The following NELL1 variants were observed in gnomAD, a reference collection of about 807,000 sequenced individuals.
NELL1 encodes the protein neural EGFL like 1.
In NELL1, 76 loss-of-function variants were observed where a neutral mutation model predicts 107.4. The observed-to-expected ratio is 0.71, with a 90% confidence interval of 0.59 to 0.86. The LOEUF is 0.86. NELL1 is among the 40% of genes least tolerant of loss of function. NELL1 has a pLI of 0.00. For missense variants in NELL1, 1,024 were observed against 1,005.5 expected (o/e 1.02, Z -0.25); for synonymous variants, 353 against 341.2 (o/e 1.03, Z -0.38).
intron 13 of NELL1, among the ~76,000 whole-genome samples, chr11:21,132,093 T>C (rs1412782758): frequency 6.6e-6 from 1 of 152,188 alleles, no homozygotes; most frequent in Non-Finnish European, 1.5e-5. Flanking sequence ...TTTAAACTGG[T>C]GCCCACAGAG....
At chr11:20,723,814 A>G (rs1855448803) in intron 2 of NELL1, among the ~76,000 whole-genome samples, 1 of 152,166 alleles carries the variant, frequency 6.6e-6, no homozygotes, top group Non-Finnish European at 1.5e-5. Context: ...CTGCAGTAGA[A>G]TTCTACCTGT....
chr11:20,918,399 T>A lies in NELL1; in HGVS notation c.676+145T>A, dbSNP rs141734743. ...AGTGAAAGAGAACTTATTATCTACA[T>A]TATATAATTCTGTGTCTTTAAAAAA... On this transcript the variant is annotated intron_variant, in intron 6 of 19. Transcript: ENST00000357134. 3 of 594,586 alleles carry A rather than the reference T, an allele frequency of 5.0e-6. No individual in the cohort carries two copies. In the African/African-American group the frequency reaches 5.7e-5, roughly 11 times the overall value. The allele number at this position is 594,586 out of a possible 1,614,324, so 36.8% of individuals were successfully genotyped here. A position where few individuals can be genotyped will look rare whatever the true frequency, so the allele number is the denominator to read the frequency against.
chr11:20,983,943 T>C (rs1326442841), intron 12 of NELL1, among the ~76,000 whole-genome samples: 1 of 152,146 alleles, frequency 6.6e-6, no homozygotes, highest in African/African-American at 2.4e-5. Flanking sequence ...TTTGTCTCCA[T>C]TCACATTAGC....
chr11:21,026,581 G>A (rs544645926), intron 12 of NELL1, among the ~76,000 whole-genome samples: 1 of 152,226 alleles, frequency 6.6e-6, no homozygotes, highest in Non-Finnish European at 1.5e-5. Context: ...TAGTATAAAA[G>A]CAGGGATTTT....
intron 2 of NELL1, among the ~76,000 whole-genome samples, chr11:20,719,419 AACACACACAC>A (rs10609543): frequency 2.6e-5 from 4 of 151,114 alleles, no homozygotes; most frequent in African/African-American, 9.7e-5. Flanking sequence ...TACTATTAAA[AACACACACAC>A]ACACACACAC....
chr11:21,109,616 T>A (rs1284532969), intron 12 of NELL1, among the ~76,000 whole-genome samples: 1 of 152,164 alleles, frequency 6.6e-6, no homozygotes, highest in African/African-American at 2.4e-5. Flanking sequence ...TTGGTCCAAC[T>A]CAATTTCTCT....
chr11:21,227,623 G>C (rs1389529881), intron 13 of NELL1, among the ~76,000 whole-genome samples: 2 of 152,176 alleles, frequency 1.3e-5, no homozygotes, highest in African/African-American at 4.8e-5. Flanking sequence ...TGATAGGTTT[G>C]TAAATTCGAG....
intron 3 of NELL1, among the ~76,000 whole-genome samples, chr11:20,843,575 AATATATTTT>A (rs1848655067): frequency 6.8e-6 from 1 of 147,492 alleles, no homozygotes; most frequent in Non-Finnish European, 1.5e-5. Flanking sequence ...TATAAAATAT[AATATATTTT>A]ATATATTATA....
chr11:21,090,208 G>A (rs1197350734), intron 12 of NELL1, among the ~76,000 whole-genome samples: 6 of 152,126 alleles, frequency 3.9e-5, no homozygotes, highest in Non-Finnish European at 8.8e-5. Flanking sequence ...GGTCTCAGCT[G>A]GGTTTATAAA....
intron 15 of NELL1, among the ~76,000 whole-genome samples, chr11:21,492,342 C>G (rs1854844391): frequency 6.6e-6 from 1 of 152,070 alleles, no homozygotes; most frequent in African/African-American, 2.4e-5. Flanking sequence ...TGTGGTGATT[C>G]CTCAGGGATC....
intron 5 of NELL1, among the ~76,000 whole-genome samples, chr11:20,892,615 T>G (rs1372257895): frequency 1.3e-5 from 2 of 152,192 alleles, no homozygotes; most frequent in Non-Finnish European, 2.9e-5. Context: ...ATCATTCTAC[T>G]GTGAAGACAC....
intron 13 of NELL1, among the ~76,000 whole-genome samples, chr11:21,148,813 T>C (rs1453995): frequency 0.33 from 49,640 of 152,060 alleles, 8,251 homozygotes; most frequent in African/African-American, 0.35. Flanking sequence ...GGTTTTCTTT[T>C]TAAAATTTGT....
chr11:20,699,441 A>G (rs547961595), intron 2 of NELL1, among the ~76,000 whole-genome samples: 1 of 151,022 alleles, frequency 6.6e-6, no homozygotes, highest in Non-Finnish European at 1.5e-5. Context: ...GCTCACTGCA[A>G]CCTCTACCTC....
intron 13 of NELL1, among the ~76,000 whole-genome samples, chr11:21,159,123 G>A (rs148218532): frequency 3.3e-5 from 5 of 152,122 alleles, no homozygotes; most frequent in South Asian, 4.2e-4. Flanking sequence ...TGTCCATATC[G>A]ATAACTTATC....
chr11:20,695,840 G>A (rs1213725050), intron 2 of NELL1, among the ~76,000 whole-genome samples: 1 of 152,072 alleles, frequency 6.6e-6, no homozygotes, highest in Non-Finnish European at 1.5e-5. Flanking sequence ...AATAGTTTCA[G>A]TGGAATTGGT....
chr11:21,453,423 C>T (rs1473291416), intron 15 of NELL1, among the ~76,000 whole-genome samples: 2 of 152,146 alleles, frequency 1.3e-5, no homozygotes, highest in African/African-American at 2.4e-5. Flanking sequence ...GCCTTACTTT[C>T]ATTACTGTAT....
chr11:21,404,281 G>A (rs1417560621), intron 15 of NELL1, among the ~76,000 whole-genome samples: 1 of 151,836 alleles, frequency 6.6e-6, no homozygotes, highest in Admixed American at 6.6e-5. Context: ...CCCACAGTAG[G>A]TCACACACTC....
chr11:20,744,773 G>A (rs1855966975), intron 2 of NELL1, among the ~76,000 whole-genome samples: 1 of 152,194 alleles, frequency 6.6e-6, no homozygotes, highest in Non-Finnish European at 1.5e-5. Context: ...AACATCAGGG[G>A]CCATGGTAAT....
At chr11:20,683,726 G>GA (rs1278620270) in intron 2 of NELL1, among the ~76,000 whole-genome samples, 2 of 151,878 alleles carry the variant, frequency 1.3e-5, no homozygotes, top group African/African-American at 4.8e-5. Context: ...TTTTATTTTT[G>GA]AAATATATCT....
Sources: allele counts gnomAD v4.1 joint callset (sites outside exome capture counted in the v4.1 genomes callset), GRCh38; gene constraint gnomAD v4.1.1; transcripts MANE v1.5; gene names NCBI Gene and HGNC (gene_info 2026-07-23, HGNC 2026-07-21).